The following ANK3 variants were observed in gnomAD, a reference collection of about 807,000 sequenced individuals.
ANK3 encodes ankyrin-3.
Under a neutral mutation model 370.9 loss-of-function variants are expected in ANK3, and 57 were observed. The ratio of observed to expected loss-of-function variants is 0.15; its 90% CI spans 0.12 to 0.19. The LOEUF (loss-of-function observed/expected upper bound fraction) is 0.19, where lower values mean the gene tolerates loss of function less well. ANK3 is among the 10% of genes least tolerant of loss of function. ANK3 has a pLI of 1.00. For synonymous variants in ANK3, 1,929 were observed against 1,946.3 expected (o/e 0.99, Z 0.23); for missense variants, 4,439 against 5,302.1 (o/e 0.84, Z 5.06).
intron 2 of ANK3, among the ~76,000 whole-genome samples, chr10:60,515,191 T>C (rs925438481): frequency 1.8e-4 from 28 of 152,162 alleles, no homozygotes; most frequent in Non-Finnish European, 3.7e-4. Flanking sequence ...AAAAGGCATC[T>C]GATATCATAG....
At chr10:60,523,441 C>T (rs1041900779) in intron 2 of ANK3, among the ~76,000 whole-genome samples, 1 of 130,218 alleles carries the variant, frequency 7.7e-6, no homozygotes, top group African/African-American at 2.9e-5. Context: ...CTTCTTGTGT[C>T]CATGTGTTCT....
intron 1 of ANK3, among the ~76,000 whole-genome samples, chr10:60,313,926 T>G: frequency 7.1e-6 from 1 of 140,008 alleles, no homozygotes; most frequent in South Asian, 2.4e-4. Flanking sequence ...TGTTTTGTTT[T>G]TGTTTTTTTT....
At chr10:60,717,285 A>G (rs2079804006) in intron 1 of ANK3, among the ~76,000 whole-genome samples, 1 of 152,182 alleles carries the variant, frequency 6.6e-6, no homozygotes, top group African/African-American at 2.4e-5. Context: ...GGTGCATAAA[A>G]CTGTCAAAAT....
rs756041029 is a variant in ANK3, at chr10:60,069,269, G to A, written c.11612C>T (p.Ser3871Leu). ...QKSKLPIKAT[S>L]PKDTFPPNHM... Reference sequence around the variant, plus strand: ...GTTCGGTGGGAAGGTATCTTTTGGTGAAGTGGCCTTTATGGGAAGTTTGGA... The same window carrying A: ...GTTCGGTGGGAAGGTATCTTTTGGTAAAGTGGCCTTTATGGGAAGTTTGGA... The change falls in exon 37 of 44, where the codon TCA (serine) becomes TTA (leucine). Residue 3871 changes from serine to leucine, a missense_variant. Physicochemically the swap from Ser to Leu is moderately radical, Grantham distance 145. This residue lies in a region of ANK3 where 496 missense variants were observed against 529.3 expected (regional missense o/e 0.94). Transcript: ENST00000280772. 7.4e-6 allele frequency: 12 copies of A among 1,614,164 alleles called. No homozygotes were observed. Among genetic ancestry groups the A allele is most frequent in the Non-Finnish European group, 1.0e-5 (12 of 1,180,016 alleles).
At chr10:60,406,910 G>A (rs113655424) in intron 2 of ANK3, among the ~76,000 whole-genome samples, 1,922 of 152,026 alleles carry the variant, frequency 0.013, 47 homozygotes, top group African/African-American at 0.044. Flanking sequence ...TCTTTCACCC[G>A]GGCAAATTAT....
intron 8 of ANK3, among the ~76,000 whole-genome samples, chr10:60,215,956 G>A (rs750105898): frequency 4.6e-5 from 7 of 152,098 alleles, no homozygotes; most frequent in Admixed American, 3.9e-4. Flanking sequence ...CCATTTTCAC[G>A]ATATTAATTC....
intron 2 of ANK3, among the ~76,000 whole-genome samples, chr10:60,583,771 A>G (rs970579220): frequency 6.6e-6 from 1 of 152,062 alleles, no homozygotes; most frequent in Non-Finnish European, 1.5e-5. Context: ...TTTTTAGTAG[A>G]GACAGGGTTT....
chr10:60,063,390 T>C (rs887706426), intron 39 of ANK3, 136 bp from the exon 40 acceptor site: 9 of 793,110 alleles, frequency 1.1e-5, no homozygotes, highest in Non-Finnish European at 1.7e-5. Context: ...GCAATCTCCC[T>C]ATCCAGAGGA....
chr10:60,679,766 G>T (rs1175088371), intron 1 of ANK3, among the ~76,000 whole-genome samples: 2 of 152,058 alleles, frequency 1.3e-5, no homozygotes, highest in Non-Finnish European at 2.9e-5. Flanking sequence ...CCATCCACTT[G>T]GCCCTCTTCC....
At chr10:60,090,366 G>A (rs374909382) in intron 28 of ANK3, among the ~76,000 whole-genome samples, 180 of 152,074 alleles carry the variant, frequency 1.2e-3, no homozygotes, top group African/African-American at 4.0e-3. Flanking sequence ...ATATGGTTTC[G>A]CTTTAGTTAG....
intron 1 of ANK3, among the ~76,000 whole-genome samples, chr10:60,292,726 T>TC (rs1257005521): frequency 4.6e-5 from 7 of 151,416 alleles, no homozygotes; most frequent in Non-Finnish European, 1.0e-4. Flanking sequence ...TTTTTTTTTT[T>TC]TTGACGGAGT....
chr10:60,087,479 C>T (rs2087009734), intron 29 of ANK3, among the ~76,000 whole-genome samples: 2 of 152,182 alleles, frequency 1.3e-5, no homozygotes, highest in South Asian at 2.1e-4. Context: ...TAAAGGTCAT[C>T]TCAGGACTTA....
chr10:60,194,881 A>C (rs1195486036), intron 16 of ANK3, among the ~76,000 whole-genome samples: 1 of 152,210 alleles, frequency 6.6e-6, no homozygotes, highest in Non-Finnish European at 1.5e-5. Flanking sequence ...GATGGGGCAG[A>C]AAATGATCGA....
At chr10:60,432,321 G>A (rs1215150286) in intron 2 of ANK3, among the ~76,000 whole-genome samples, 1 of 152,164 alleles carries the variant, frequency 6.6e-6, no homozygotes, top group Non-Finnish European at 1.5e-5. Context: ...GGTGCCCCCA[G>A]TAGAGGGCTC....
At chr10:60,610,953 T>G (rs2078193051) in intron 2 of ANK3, among the ~76,000 whole-genome samples, 1 of 152,202 alleles carries the variant, frequency 6.6e-6, no homozygotes, top group Non-Finnish European at 1.5e-5. Context: ...CAAACCAGAA[T>G]TCTAAGCTAG....
intron 1 of ANK3, among the ~76,000 whole-genome samples, chr10:60,694,874 C>T (rs1327296506): frequency 1.1e-4 from 16 of 148,688 alleles, no homozygotes; most frequent in African/African-American, 3.7e-4. Flanking sequence ...ATCATAATGA[C>T]AGGATCAAAT....
At chr10:60,064,675 A>ACAACAACAG (rs1554852754) in intron 38 of ANK3, among the ~76,000 whole-genome samples, 1 of 138,554 alleles carries the variant, frequency 7.2e-6, no homozygotes, top group East Asian at 2.0e-4. Flanking sequence ...ACACACAGCA[A>ACAACAACAG]CAACAACAAC....
intron 2 of ANK3, among the ~76,000 whole-genome samples, chr10:60,598,285 C>A (rs536534377): frequency 6.6e-6 from 1 of 152,274 alleles, no homozygotes; most frequent in African/African-American, 2.4e-5. Flanking sequence ...TTGGTGATAT[C>A]CATATACTTA....
At chr10:60,156,980 G>GAT (rs1408762585) in intron 23 of ANK3, among the ~76,000 whole-genome samples, 1 of 151,404 alleles carries the variant, frequency 6.6e-6, no homozygotes, top group Non-Finnish European at 1.5e-5. Flanking sequence ...GAGTGATGGA[G>GAT]ATATATGGCC....
Sources: gnomAD v4.1 joint callset for allele counts (sites outside exome capture counted in the v4.1 genomes callset) on GRCh38, gnomAD v4.1.1 for gene constraint, gnomAD v4.1.1 regional missense constraint, MANE v1.5 for transcripts, NCBI Gene and HGNC (gene_info 2026-07-23, HGNC 2026-07-21) for gene names.